Variants in DENND4A observed in about 807,000 individuals in gnomAD.
The protein encoded by DENND4A is DENN domain containing 4A, also known as C-myc promoter-binding protein.
In DENND4A, 70 loss-of-function variants were observed where a neutral mutation model predicts 199.3. The ratio of observed to expected loss-of-function variants is 0.35; its 90% confidence interval spans 0.29 to 0.43. The LOEUF is 0.43. Ranked by LOEUF, DENND4A falls within the 20% of genes least tolerant of loss-of-function variation. The probability of loss-of-function intolerance (pLI) is 1.00; values close to 1 mark genes in which losing one functional copy is unlikely to be tolerated. For synonymous variants in DENND4A, 686 were observed against 766.9 expected (o/e 0.89, Z 1.74); for missense variants, 1,723 against 2,255.8 (o/e 0.76, Z 4.78).
intron 13 of DENND4A, among the ~76,000 whole-genome samples, chr15:65,717,214 G>A (rs1168263885): frequency 6.6e-6 from 1 of 151,608 alleles, no homozygotes; most frequent in Admixed American, 6.6e-5. Flanking sequence ...AGCATTCGGA[G>A]GTACTCAATA....
rs11857890 is a variant in DENND4A, at chr15:65,711,963, A to G, written c.1953+3515T>C. On this transcript the variant is annotated intron_variant, in intron 14 of 32. Transcript: ENST00000443035. Reference sequence around the variant, plus strand: ...TTAAAGGTGCACACCACCATGCCCAACTTATAAAAATTTAACACGTATTTA... The same window carrying G: ...TTAAAGGTGCACACCACCATGCCCAGCTTATAAAAATTTAACACGTATTTA... 4.1e-3 allele frequency among the ~76,000 whole-genome samples: 623 copies of G among 152,212 alleles called. 2 individuals carry two copies. The highest frequency in any genetic ancestry group is 0.014 in the African/African-American group (575 of 41,566).
At chr15:65,687,493 G>T (rs1265753228) in intron 23 of DENND4A, among the ~76,000 whole-genome samples, 1 of 151,686 alleles carries the variant, frequency 6.6e-6, no homozygotes, top group Admixed American at 6.6e-5. Context: ...GAAGATGCAG[G>T]TTTCTCTTTG....
At chr15:65,701,680 C>A (rs2074872895) in intron 18 of DENND4A, 82 bp downstream of exon 18, 4 of 1,295,816 alleles carry the variant, frequency 3.1e-6, no homozygotes, top group East Asian at 2.4e-5. Flanking sequence ...TGCCAAATAA[C>A]CCCCTGCATA....
chr15:65,662,075 C>A (rs997062181), intron 32 of DENND4A, 88 bp from the exon 33 acceptor site: 1 of 1,114,016 alleles, frequency 9.0e-7, no homozygotes, highest in Non-Finnish European at 1.3e-6. Context: ...TACAGAAACA[C>A]AACATTAGAG....
At chr15:65,680,482 ATTAC>A (rs1269631870) in intron 23 of DENND4A, among the ~76,000 whole-genome samples, 4 of 152,228 alleles carry the variant, frequency 2.6e-5, no homozygotes, top group Non-Finnish European at 5.9e-5. Flanking sequence ...GCATACAAGA[ATTAC>A]TTAGTATAAA....
chr15:65,702,081 A>C (rs2074890117), intron 17 of DENND4A, among the ~76,000 whole-genome samples, 191 bp from the exon 18 acceptor site: 2 of 152,282 alleles, frequency 1.3e-5, no homozygotes, highest in South Asian at 4.1e-4. Context: ...TAGACCACAT[A>C]GTGAGACTCT....
intron 1 of DENND4A, among the ~76,000 whole-genome samples, chr15:65,763,194 G>A (rs1041729250): frequency 1.3e-5 from 2 of 152,150 alleles, no homozygotes; most frequent in African/African-American, 2.4e-5. Context: ...AATAGCTTCT[G>A]CGGGGAAACA....
chr15:65,706,881 G>C (rs1472545223), intron 14 of DENND4A, among the ~76,000 whole-genome samples: 1 of 152,172 alleles, frequency 6.6e-6, no homozygotes, highest in Non-Finnish European at 1.5e-5. Context: ...GAATAGGGTA[G>C]ACAAGGATGG....
intron 1 of DENND4A, among the ~76,000 whole-genome samples, chr15:65,780,499 C>T (rs16949015): frequency 0.21 from 31,953 of 152,000 alleles, 3,801 homozygotes; most frequent in African/African-American, 0.32. Context: ...GACAGGACAC[C>T]AAATGTTGGA....
Position 65,661,951 on chromosome 15 carries a change from C to CG in DENND4A, c.5623dup (p.Arg1875ProfsTer5). On this transcript the variant is annotated frameshift_variant, in exon 33 of 33. Transcript: ENST00000443035. LOFTEE classifies it high-confidence loss of function. The stretch of plus-strand genomic sequence containing the variant: ...ACTCTTGACTTGACTAGGTGTGAGA[C>CG]GATCGTATGCCATCTTGTACTCTTT... 1 of 1,612,944 alleles carries CG rather than the reference C, an allele frequency of 6.2e-7. No individual in the cohort carries two copies. Among genetic ancestry groups the CG allele is most frequent in the Non-Finnish European group, 8.5e-7 (1 of 1,179,430 alleles).
intron 18 of DENND4A, among the ~76,000 whole-genome samples, chr15:65,701,400 C>A (rs1393647122): frequency 6.6e-6 from 1 of 151,992 alleles, no homozygotes; most frequent in Non-Finnish European, 1.5e-5. Flanking sequence ...AACCCCACCT[C>A]TCCAAAAAAT....
intron 23 of DENND4A, among the ~76,000 whole-genome samples, chr15:65,681,579 G>GTT (rs113160013): frequency 1.9e-4 from 26 of 140,296 alleles, no homozygotes; most frequent in South Asian, 4.6e-4. Context: ...TCATTTTTTT[G>GTT]TTTTTTTTTT....
chr15:65,709,742 A>ATATATATATATATAT (rs1596490670), intron 14 of DENND4A, among the ~76,000 whole-genome samples: 2 of 140,076 alleles, frequency 1.4e-5, no homozygotes, highest in African/African-American at 2.6e-5. Flanking sequence ...ATATATATAT[A>ATATATATATATATAT]ATCTCGTGAC....
At chr15:65,698,928 G>A (rs1055861574) in intron 20 of DENND4A, among the ~76,000 whole-genome samples, 2 of 151,810 alleles carry the variant, frequency 1.3e-5, no homozygotes, top group African/African-American at 4.8e-5. Context: ...AGTAGAGATG[G>A]TGTTTCGCCA....
At chr15:65,683,036 A>G (rs1459147583) in intron 23 of DENND4A, among the ~76,000 whole-genome samples, 3 of 152,240 alleles carry the variant, frequency 2.0e-5, no homozygotes, top group Non-Finnish European at 4.4e-5. Context: ...AGTTTGAAAT[A>G]TTGCAAGAAT....
chr15:65,682,304 C>CT (rs2076606395), intron 23 of DENND4A, among the ~76,000 whole-genome samples: 1 of 152,166 alleles, frequency 6.6e-6, no homozygotes. Context: ...ACATAGGTCT[C>CT]GGGGATAATT....
intron 32 of DENND4A, among the ~76,000 whole-genome samples, chr15:65,663,115 CA>C (rs1210117092): frequency 1.3e-5 from 2 of 151,264 alleles, no homozygotes; most frequent in African/African-American, 4.9e-5. Flanking sequence ...ATGACTATCC[CA>C]ATGCCATTTA....
At chr15:65,762,191 G>C (rs34247436) in intron 1 of DENND4A, among the ~76,000 whole-genome samples, 1 of 152,134 alleles carries the variant, frequency 6.6e-6, no homozygotes, top group Non-Finnish European at 1.5e-5. Context: ...ATTTTCAGTA[G>C]AGACCAGGTT....
chr15:65,692,061 C>T (rs2076991277), intron 22 of DENND4A, among the ~76,000 whole-genome samples: 1 of 150,404 alleles, frequency 6.6e-6, no homozygotes, highest in Non-Finnish European at 1.5e-5. Flanking sequence ...CTTTGGCTTC[C>T]CAAAGTGCTA....
Sources: allele counts gnomAD v4.1 joint callset (sites outside exome capture counted in the v4.1 genomes callset), GRCh38; gene constraint gnomAD v4.1.1; transcripts MANE v1.5; gene names NCBI Gene and HGNC (gene_info 2026-07-23, HGNC 2026-07-21).